AKAP6: variants seen among roughly 807,000 people sequenced by gnomAD.
AKAP6 encodes the protein A-kinase anchor protein 6.
In AKAP6, 58 loss-of-function variants were observed where a neutral mutation model predicts 188.5. That is an observed-to-expected ratio of 0.31 (90% confidence interval 0.25 to 0.38). AKAP6 has a LOEUF of 0.38. AKAP6 is among the 10% of genes least tolerant of loss of function. The pLI, the probability that AKAP6 is intolerant of heterozygous loss-of-function variation, is 1.00. For missense variants in AKAP6, 2,710 were observed against 2,740.0 expected (o/e 0.99, Z 0.24); for synonymous variants, 989 against 998.6 (o/e 0.99, Z 0.18).
chr14:32,790,630 T>C (rs747002712), intron 12 of AKAP6, among the ~76,000 whole-genome samples: 1 of 152,200 alleles, frequency 6.6e-6, no homozygotes, highest in Non-Finnish European at 1.5e-5. Flanking sequence ...CTTTAAGTTC[T>C]GGGATACATG....
chr14:32,517,898 C>G (rs938076430), intron 2 of AKAP6, among the ~76,000 whole-genome samples: 3 of 152,220 alleles, frequency 2.0e-5, no homozygotes, highest in African/African-American at 7.2e-5. Flanking sequence ...ACCGCCTCCT[C>G]AAGTGGGTCC....
intron 1 of AKAP6, among the ~76,000 whole-genome samples, chr14:32,369,068 TAA>T (rs1340086748): frequency 6.6e-6 from 1 of 152,004 alleles, no homozygotes; most frequent in Non-Finnish European, 1.5e-5. Context: ...ACAACAGGCA[TAA>T]ACTGGGCAAA....
rs1309467682 is a variant in AKAP6 at position 32,821,486 on chromosome 14, A to G, written c.3673A>G (p.Ser1225Gly). Residue 1225 changes from serine (S) to glycine (G), a missense_variant, in exon 13 of 14, where the codon AGT (serine) becomes GGT (glycine). Around this residue, in one of 2 missense-constraint regions of AKAP6, gnomAD observed 2,473 missense variants for 2,426.1 expected, o/e 1.02. Transcript: ENST00000280979. ...CCTGGAATGGGATGAAATGGACATA[A>G]GTAACAAGTTAATTAGTTTGAATGA... is the stretch of plus-strand genomic sequence containing the variant. ...DALEWDEMDISNKLISLNEES... is the reference protein window; with the variant it reads ...DALEWDEMDIGNKLISLNEES... 2 of 1,613,814 alleles carry G rather than the reference A, an allele frequency of 1.2e-6. No homozygotes were observed. The highest frequency in any genetic ancestry group is 2.2e-5 in the East Asian group (1 of 44,868).
intron 3 of AKAP6, among the ~76,000 whole-genome samples, chr14:32,543,903 C>T (rs558856030): frequency 5.3e-5 from 8 of 152,084 alleles, no homozygotes; most frequent in African/African-American, 1.9e-4. Flanking sequence ...AGTAATCAAC[C>T]ATCATCATTT....
intron 1 of AKAP6, among the ~76,000 whole-genome samples, chr14:32,405,829 C>T (rs1435866325): frequency 6.6e-6 from 1 of 152,126 alleles, no homozygotes; most frequent in East Asian, 1.9e-4. Flanking sequence ...GAGGCCTCCC[C>T]AGTCATGCAG....
chr14:32,361,053 C>CACATATATATATATATATATAT (rs1887644022), intron 1 of AKAP6, among the ~76,000 whole-genome samples: 1 of 111,878 alleles, frequency 8.9e-6, no homozygotes, highest in Non-Finnish European at 1.8e-5. Flanking sequence ...AAGGCCTGAA[C>CACATATATATATATATATATAT]ATACATATAT....
chr14:32,493,276 G>T (rs759485331), intron 2 of AKAP6, among the ~76,000 whole-genome samples: 9 of 152,002 alleles, frequency 5.9e-5, no homozygotes, highest in Non-Finnish European at 1.3e-4. Context: ...GTGCGATCAC[G>T]GTGCACTGCA....
At chr14:32,488,612 C>T (rs1264831711) in intron 2 of AKAP6, among the ~76,000 whole-genome samples, 2 of 152,158 alleles carry the variant, frequency 1.3e-5, no homozygotes, top group African/African-American at 4.8e-5. Context: ...TAGGTATCTG[C>T]TCAAATGGCC....
At chr14:32,437,648 G>A (rs902464185) in intron 2 of AKAP6, among the ~76,000 whole-genome samples, 3 of 151,998 alleles carry the variant, frequency 2.0e-5, no homozygotes, top group African/African-American at 7.2e-5. Flanking sequence ...CCAGACTGGA[G>A]TGCAGTGGCG....
At chr14:32,523,257 A>G (rs996300477) in intron 2 of AKAP6, among the ~76,000 whole-genome samples, 3 of 152,166 alleles carry the variant, frequency 2.0e-5, no homozygotes. Context: ...CAGCACACCA[A>G]CATGGCACAT....
intron 2 of AKAP6, among the ~76,000 whole-genome samples, chr14:32,466,827 T>TTTTATATA (rs1555331122): frequency 1.7e-5 from 2 of 115,116 alleles, no homozygotes; most frequent in African/African-American, 9.9e-5. Context: ...AAAAACAAGA[T>TTTTATATA]TATATATATA....
intron 1 of AKAP6, among the ~76,000 whole-genome samples, chr14:32,379,889 A>T (rs1444527136): frequency 6.6e-6 from 1 of 152,176 alleles, no homozygotes; most frequent in Non-Finnish European, 1.5e-5. Context: ...ACCCTGTCAC[A>T]TCTGCCTTAG....
At chr14:32,709,242 C>T (rs184188407) in intron 9 of AKAP6, among the ~76,000 whole-genome samples, 1 of 152,044 alleles carries the variant, frequency 6.6e-6, no homozygotes, top group Non-Finnish European at 1.5e-5. Context: ...ACAGCCAGCT[C>T]TTGTGGGAGT....
chr14:32,510,407 T>TAC (rs1236346659), intron 2 of AKAP6, among the ~76,000 whole-genome samples: 12 of 100,616 alleles, frequency 1.2e-4, no homozygotes, highest in African/African-American at 4.8e-4. Context: ...TATATATGTA[T>TAC]ATATATGTAT....
chr14:32,521,301 A>G (rs1457943296), intron 2 of AKAP6, among the ~76,000 whole-genome samples: 3 of 151,876 alleles, frequency 2.0e-5, no homozygotes, highest in Non-Finnish European at 2.9e-5. Flanking sequence ...CTCTCTCACC[A>G]CTCCTATTCA....
At chr14:32,750,731 A>ATTTTTTT (rs765897477) in intron 11 of AKAP6, among the ~76,000 whole-genome samples, 1 of 93,572 alleles carries the variant, frequency 1.1e-5, no homozygotes. Flanking sequence ...TCACTAAATT[A>ATTTTTTT]ATTTTGTTTT....
At chr14:32,662,619 G>A (rs1888751226) in intron 7 of AKAP6, among the ~76,000 whole-genome samples, 1 of 152,076 alleles carries the variant, frequency 6.6e-6, no homozygotes, top group African/African-American at 2.4e-5. Flanking sequence ...TACTTCAAAT[G>A]GCATCCCATT....
intron 13 of AKAP6, among the ~76,000 whole-genome samples, chr14:32,825,915 ATTGT>A (rs990452159): frequency 8.5e-5 from 13 of 152,264 alleles, no homozygotes; most frequent in African/African-American, 1.4e-4. Flanking sequence ...TTTGTGGCAG[ATTGT>A]TTATTTTTTG....
chr14:32,517,653 G>T (rs755253066), intron 2 of AKAP6, among the ~76,000 whole-genome samples: 2 of 152,218 alleles, frequency 1.3e-5, no homozygotes, highest in Non-Finnish European at 2.9e-5. Context: ...GGGGAGGGGC[G>T]TCCACCATTG....
Sources: allele counts gnomAD v4.1 joint callset (sites outside exome capture counted in the v4.1 genomes callset), GRCh38; gene constraint gnomAD v4.1.1; regional missense constraint gnomAD v4.1.1; transcripts MANE v1.5; gene names NCBI Gene and HGNC (gene_info 2026-07-23, HGNC 2026-07-21).